MACROD2: variants seen among roughly 807,000 people sequenced by gnomAD.
MACROD2 encodes ADP-ribose glycohydrolase MACROD2.
A neutral mutation model predicts 70.4 loss-of-function variants in MACROD2; 36 were observed. The observed-to-expected ratio is 0.51, with a 90% confidence interval of 0.39 to 0.68. The LOEUF is 0.68. Among genes scored for constraint, MACROD2 ranks in the 30% least tolerant of loss-of-function variants. The pLI, the probability that MACROD2 is intolerant of heterozygous loss-of-function variation, is 0.00. For synonymous variants in MACROD2, 172 were observed against 178.8 expected (o/e 0.96, Z 0.30); for missense variants, 496 against 538.4 (o/e 0.92, Z 0.78).
intron 7 of MACROD2, among the ~76,000 whole-genome samples, chr20:15,436,736 G>A (rs1285296558): frequency 6.6e-6 from 1 of 151,730 alleles, no homozygotes; most frequent in African/African-American, 2.4e-5. Context: ...TTTTTATTAG[G>A]GTTTGACGTA....
intron 5 of MACROD2, among the ~76,000 whole-genome samples, chr20:14,702,635 A>ATG (rs1194560810): frequency 1.9e-5 from 1 of 51,290 alleles, no homozygotes; most frequent in African/African-American, 8.0e-5. Context: ...ACATATATAT[A>ATG]TGTATATATA....
intron 5 of MACROD2, among the ~76,000 whole-genome samples, chr20:15,225,202 A>C (rs2076895398): frequency 6.6e-6 from 1 of 152,150 alleles, no homozygotes; most frequent in African/African-American, 2.4e-5. Context: ...TAGGGGAGTC[A>C]TTCTGTTAAA....
chr20:14,920,163 AC>A (rs1464646713), intron 5 of MACROD2, among the ~76,000 whole-genome samples: 2 of 152,196 alleles, frequency 1.3e-5, no homozygotes, highest in Admixed American at 6.5e-5. Flanking sequence ...AACTACTGGT[AC>A]TGGGATAGAG....
intron 5 of MACROD2, among the ~76,000 whole-genome samples, chr20:15,069,347 G>A (rs1281354147): frequency 6.6e-6 from 1 of 152,152 alleles, no homozygotes; most frequent in African/African-American, 2.4e-5. Context: ...GGTAGAAAAG[G>A]AAAAAGCATT....
Position 15,083,468 on chromosome 20 carries a change from T to A in MACROD2, c.419-146472T>A, listed in dbSNP as rs139277455. Among the ~76,000 whole-genome samples, 254 of 152,342 alleles carry A rather than the reference T, an allele frequency of 1.7e-3. 2 individuals are homozygous for A. The highest frequency in any genetic ancestry group is 5.6e-3 in the African/African-American group (233 of 41,584). On this transcript the variant is annotated intron_variant, in intron 5 of 17. Coordinates refer to ENST00000684519, the MANE Select transcript of MACROD2 (RefSeq NM_001351661.2). ...ATTATACTCTTCCTTTAGGGGTTGC[T>A]TATTTGTCACAACTTGCCCCTGGCA...
At chr20:14,577,546 A>C (rs781280666) in intron 4 of MACROD2, among the ~76,000 whole-genome samples, 1 of 152,088 alleles carries the variant, frequency 6.6e-6, no homozygotes, top group African/African-American at 2.4e-5. Flanking sequence ...TGAGGGGCTG[A>C]GGTGGGAGCG....
At chr20:16,045,068 T>G (rs1042136050) in intron 17 of MACROD2, among the ~76,000 whole-genome samples, 3 of 152,164 alleles carry the variant, frequency 2.0e-5, no homozygotes, top group African/African-American at 7.2e-5. Flanking sequence ...TATAAAGGAA[T>G]ATGAGTGTGT....
chr20:15,126,312 C>T (rs978334636), intron 5 of MACROD2, among the ~76,000 whole-genome samples: 29 of 151,774 alleles, frequency 1.9e-4, no homozygotes, highest in South Asian at 2.1e-4. Context: ...GCAGCAGCGA[C>T]GTATGCAAGT....
intron 5 of MACROD2, among the ~76,000 whole-genome samples, chr20:14,765,511 A>G (rs2072075349): frequency 6.6e-6 from 1 of 152,126 alleles, no homozygotes; most frequent in Non-Finnish European, 1.5e-5. Flanking sequence ...TGCCACCCAT[A>G]GGTAGCCAAG....
At chr20:16,035,646 A>C (rs954864939) in intron 15 of MACROD2, among the ~76,000 whole-genome samples, 7 of 152,068 alleles carry the variant, frequency 4.6e-5, no homozygotes. Context: ...TATGTGTGTT[A>C]GTTAGCTATC....
At chr20:15,499,627 A>G (rs888196408) in intron 7 of MACROD2, 147 bp from the exon 8 acceptor site, 2 of 655,450 alleles carry the variant, frequency 3.1e-6, no homozygotes, top group East Asian at 2.8e-5. Context: ...CACAGGCTTC[A>G]TATCCATGTA....
At chr20:15,260,444 A>G (rs1209973750) in intron 6 of MACROD2, among the ~76,000 whole-genome samples, 2 of 151,562 alleles carry the variant, frequency 1.3e-5, no homozygotes, top group South Asian at 4.1e-4. Flanking sequence ...AGTTTTGTCC[A>G]CATTGTTGCA....
chr20:15,198,973 AT>A (rs1196639100), intron 5 of MACROD2, among the ~76,000 whole-genome samples: 5 of 136,948 alleles, frequency 3.7e-5, no homozygotes, highest in Non-Finnish European at 7.9e-5. Context: ...TTCATTGAGC[AT>A]TTTTTTTCAA....
intron 3 of MACROD2, among the ~76,000 whole-genome samples, chr20:14,296,221 A>G (rs998376095): frequency 3.3e-5 from 5 of 151,924 alleles, no homozygotes; most frequent in African/African-American, 1.2e-4. Flanking sequence ...GGATACAATG[A>G]CCTTGGGAAA....
At chr20:16,013,288 A>T (rs914670114) in intron 15 of MACROD2, among the ~76,000 whole-genome samples, 1 of 152,232 alleles carries the variant, frequency 6.6e-6, no homozygotes, top group African/African-American at 2.4e-5. Context: ...CAACAGCTAC[A>T]ACCTAAGGCA....
At chr20:14,827,097 A>C (rs1339591359) in intron 5 of MACROD2, among the ~76,000 whole-genome samples, 2 of 152,130 alleles carry the variant, frequency 1.3e-5, no homozygotes, top group African/African-American at 2.4e-5. Flanking sequence ...TATTTTATGA[A>C]GAATGCTACA....
At chr20:15,367,029 G>A (rs1485260686) in intron 6 of MACROD2, among the ~76,000 whole-genome samples, 1 of 135,686 alleles carries the variant, frequency 7.4e-6, no homozygotes. Context: ...TAAAATTACT[G>A]ATTTTTTTTT....
chr20:15,600,786 A>C (rs1238050971), intron 8 of MACROD2, among the ~76,000 whole-genome samples: 1 of 152,240 alleles, frequency 6.6e-6, no homozygotes, highest in Non-Finnish European at 1.5e-5. Flanking sequence ...ATCTGCAGAA[A>C]AAAAATGCAG....
At chr20:15,073,311 A>C (rs2075632976) in intron 5 of MACROD2, among the ~76,000 whole-genome samples, 1 of 152,130 alleles carries the variant, frequency 6.6e-6, no homozygotes, top group African/African-American at 2.4e-5. Context: ...GATTATAAAA[A>C]AATCCCATAC....
Sources: gnomAD v4.1 joint callset for allele counts (sites outside exome capture counted in the v4.1 genomes callset) on GRCh38, gnomAD v4.1.1 for gene constraint, MANE v1.5 for transcripts, NCBI Gene and HGNC (gene_info 2026-07-23, HGNC 2026-07-21) for gene names.